Variants in CTBP2 observed in about 807,000 individuals in gnomAD.
The protein encoded by CTBP2 is C-terminal binding protein 2, also known as C-terminal-binding protein 2.
CTBP2 carries 30 observed loss-of-function variants against 80.3 expected under a neutral mutation model. The ratio of observed to expected loss-of-function variants is 0.37; its 90% CI spans 0.28 to 0.51. CTBP2 has a LOEUF of 0.51. Ranked by LOEUF, CTBP2 falls within the 20% of genes least tolerant of loss-of-function variation. CTBP2 has a pLI of 0.93. For synonymous variants in CTBP2, 594 were observed against 587.4 expected, an observed-to-expected ratio of 1.01 and a Z score of -0.16; for missense variants, 1,212 against 1,375.3, an observed-to-expected ratio of 0.88 and a Z score of 1.88.
chr10:125,155,482 G>T (rs1436651439), intron 1 of CTBP2, among the ~76,000 whole-genome samples: 1 of 151,722 alleles, frequency 6.6e-6, no homozygotes, highest in Admixed American at 6.6e-5. Context: ...CATAATTTAG[G>T]CTTTAAACAT....
chr10:125,126,129 G>GC (rs1464171433), intron 1 of CTBP2, among the ~76,000 whole-genome samples: 3 of 152,060 alleles, frequency 2.0e-5, no homozygotes, highest in Non-Finnish European at 4.4e-5. Context: ...CCTGGGAGAG[G>GC]CCCGCTGGAC....
chr10:125,125,420 A>G (rs1855064632), intron 1 of CTBP2, among the ~76,000 whole-genome samples: 1 of 152,144 alleles, frequency 6.6e-6, no homozygotes, highest in Non-Finnish European at 1.5e-5. Flanking sequence ...CCTTGTCAAT[A>G]TCCGGTGTTT....
intron 2 of CTBP2, among the ~76,000 whole-genome samples, chr10:125,040,454 TAA>T (rs747855375): frequency 0.016 from 1,656 of 104,394 alleles, 45 homozygotes; most frequent in African/African-American, 0.051. Context: ...ACTCTGTCTT[TAA>T]AAAAAAAAAA....
At chr10:125,114,409 A>G (rs566717001) in intron 1 of CTBP2, among the ~76,000 whole-genome samples, 1 of 151,782 alleles carries the variant, frequency 6.6e-6, no homozygotes, top group East Asian at 2.1e-4. Flanking sequence ...CAGCACCCAG[A>G]GATGGATTTG....
At chr10:125,100,794 T>C (rs1389775523) in intron 2 of CTBP2, 1 of 152,214 alleles carries the variant, frequency 6.6e-6, no homozygotes, top group African/African-American at 2.4e-5. Context: ...TAGAATGTTT[T>C]TAGTGTAGGA....
chr10:125,125,718 G>A (rs1590942752), intron 1 of CTBP2, among the ~76,000 whole-genome samples: 2 of 152,208 alleles, frequency 1.3e-5, no homozygotes, highest in African/African-American at 2.4e-5. Context: ...TGATGGGGAC[G>A]CGAATGTTTC....
intron 2 of CTBP2, among the ~76,000 whole-genome samples, chr10:125,092,926 G>A (rs996344030): frequency 6.6e-6 from 1 of 152,072 alleles, no homozygotes; most frequent in African/African-American, 2.4e-5. Context: ...GGGGGGGGCA[G>A]CACGTGCTTC....
upstream of CTBP2, among the ~76,000 whole-genome samples, chr10:125,030,122 C>T (rs983131178): frequency 1.4e-5 from 2 of 142,560 alleles, no homozygotes; most frequent in Non-Finnish European, 3.0e-5. Flanking sequence ...ACTCACTTTT[C>T]CAAACACTCT....
chr10:125,115,027 T>G (rs755820699), intron 1 of CTBP2, among the ~76,000 whole-genome samples: 2 of 152,152 alleles, frequency 1.3e-5, no homozygotes, highest in Non-Finnish European at 2.9e-5. Flanking sequence ...TCTAGGCTCC[T>G]CCTCCTACTA....
chr10:125,030,745 A>C (rs1364356240), upstream of CTBP2, among the ~76,000 whole-genome samples: 1 of 152,186 alleles, frequency 6.6e-6, no homozygotes, highest in African/African-American at 2.4e-5. Flanking sequence ...TCACCCGCCC[A>C]CTTGGTGGGC....
chr10:125,071,916 C>A (rs973299413), intron 2 of CTBP2, among the ~76,000 whole-genome samples: 1 of 152,092 alleles, frequency 6.6e-6, no homozygotes, highest in South Asian at 2.1e-4. Context: ...TGGGCCGGAA[C>A]AGTCAGCTGC....
intron 2 of CTBP2, among the ~76,000 whole-genome samples, chr10:125,056,354 C>T (rs1034048988): frequency 6.6e-6 from 1 of 152,160 alleles, no homozygotes; most frequent in Admixed American, 6.5e-5. Flanking sequence ...ACAGTGAAGG[C>T]GTGCACGCCA....
intron 2 of CTBP2, among the ~76,000 whole-genome samples, chr10:125,096,817 G>A (rs1214659720): frequency 2.6e-5 from 4 of 151,884 alleles, no homozygotes; most frequent in African/African-American, 9.7e-5. Flanking sequence ...ATACAAGAGT[G>A]CCCCAATTTC....
In CTBP2 at chr10:125,060,462, ACG is replaced by A. The variant is rs1491100525; in HGVS notation, c.-101-21309_-101-21308del. On this transcript the variant is annotated intron_variant, in intron 2 of 10. Coordinates refer to the CTBP2 transcript ENST00000337195. ...CTGGTCATGATATTCCATTCCCCCCACGTGTGTGTGTGTGTGTGTGTGTGTGT... is the reference window on the plus strand; with the variant it reads ...CTGGTCATGATATTCCATTCCCCCCATGTGTGTGTGTGTGTGTGTGTGTGT... Among the ~76,000 whole-genome samples the A allele has an allele frequency of 2.7e-5, 3 of 109,170 alleles. 1 individual carries two copies. Among genetic ancestry groups the A allele is most frequent in the African/African-American group, 4.1e-5 (1 of 24,682 alleles). 71.6% of individuals were successfully genotyped at this position (109,170 alleles called of 152,430 possible).
chr10:125,075,386 G>A (rs1222223522), intron 2 of CTBP2, among the ~76,000 whole-genome samples: 2 of 152,110 alleles, frequency 1.3e-5, no homozygotes, highest in East Asian at 1.9e-4. Flanking sequence ...GTTATCGTGC[G>A]AGTGGGTTCC....
At chr10:125,003,298 C>T (rs1270829855) in intron 2 of CTBP2, 40 bp downstream of exon 4, 3 of 1,597,768 alleles carry the variant, frequency 1.9e-6, no homozygotes, top group Non-Finnish European at 2.6e-6. Flanking sequence ...GGAAACTGCC[C>T]AAGGTCAGTG....
At chr10:125,083,774 T>C (rs1375979875) in intron 2 of CTBP2, among the ~76,000 whole-genome samples, 1 of 152,148 alleles carries the variant, frequency 6.6e-6, no homozygotes, top group East Asian at 1.9e-4. Context: ...CACACCCAGC[T>C]AAAGTTTTTT....
chr10:125,021,145 G>C (rs1199932473), intron 1 of CTBP2, among the ~76,000 whole-genome samples: 1 of 152,198 alleles, frequency 6.6e-6, no homozygotes, highest in Non-Finnish European at 1.5e-5. Flanking sequence ...GAGGGCCTCA[G>C]TAGTCCAGTG....
chr10:125,001,752 C>G lies in CTBP2; in HGVS notation c.1978+1208G>C, dbSNP rs568607185. Among the ~76,000 whole-genome samples the G allele has an allele frequency of 1.4e-3, 212 of 152,318 alleles. 2 individuals carry two copies. The highest frequency in any genetic ancestry group is 4.7e-3 in the African/African-American group (197 of 41,574). On this transcript the variant is annotated intron_variant, in intron 3 of 8. Transcript: ENST00000309035. ...GCTCCCTGCTCGCCCGGCTCCCCAG[C>G]CCTGCTCCTGACACCAAGACCCACC...
Sources: allele counts gnomAD v4.1 joint callset (sites outside exome capture counted in the v4.1 genomes callset), GRCh38; gene constraint gnomAD v4.1.1; transcripts MANE v1.5; gene names NCBI Gene and HGNC (gene_info 2026-07-23, HGNC 2026-07-21).